Variants in PTPRE observed in about 807,000 individuals in gnomAD.
PTPRE encodes receptor-type tyrosine-protein phosphatase epsilon.
PTPRE carries 51 observed loss-of-function variants against 102.0 expected under a neutral mutation model. That is an observed-to-expected ratio of 0.50 (90% CI 0.40 to 0.63). The LOEUF is 0.63. PTPRE is among the 30% of genes least tolerant of loss of function. PTPRE has a pLI of 0.00. For synonymous variants in PTPRE, 345 were observed against 348.2 expected, an observed-to-expected ratio of 0.99 and a Z score of 0.10; for missense variants, 752 against 915.1, an observed-to-expected ratio of 0.82 and a Z score of 2.30.
chr10:127,947,245 G>A (rs764848436), intron 1 of PTPRE, among the ~76,000 whole-genome samples: 1 of 152,038 alleles, frequency 6.6e-6, no homozygotes, highest in African/African-American at 2.4e-5. Flanking sequence ...TTTTAGTTTT[G>A]GAAAATTAAA....
At chr10:127,941,710 T>C (rs1848256981) in intron 1 of PTPRE, among the ~76,000 whole-genome samples, 1 of 152,236 alleles carries the variant, frequency 6.6e-6, no homozygotes, top group Non-Finnish European at 1.5e-5. Context: ...TGGTTTTTTA[T>C]TTACTTCCAG....
chr10:128,056,337 T>C, intron 7 of PTPRE, 124 bp downstream of exon 7: 1 of 758,864 alleles, frequency 1.3e-6, no homozygotes, highest in Non-Finnish European at 2.2e-6. Flanking sequence ...GTCTAACTGC[T>C]CAGCATTTGC....
At chr10:128,021,299 G>A (rs1414090744) in intron 2 of PTPRE, among the ~76,000 whole-genome samples, 1 of 152,206 alleles carries the variant, frequency 6.6e-6, no homozygotes, top group Non-Finnish European at 1.5e-5. Context: ...TCATTCTCCA[G>A]GTGCCACACA....
intron 6 of PTPRE, among the ~76,000 whole-genome samples, chr10:128,055,022 C>A (rs1228784679): frequency 1.3e-5 from 2 of 152,130 alleles, no homozygotes; most frequent in Admixed American, 6.5e-5. Flanking sequence ...GTTTCCTCAC[C>A]CATAAAACGG....
At chr10:127,916,778 G>A (rs1846237596) in intron 1 of PTPRE, among the ~76,000 whole-genome samples, 1 of 152,148 alleles carries the variant, frequency 6.6e-6, no homozygotes, top group Non-Finnish European at 1.5e-5. Flanking sequence ...TCTGTGTGAC[G>A]GACCAGCAGT....
chr10:127,997,404 C>T (rs944162250), intron 2 of PTPRE, among the ~76,000 whole-genome samples: 2 of 152,196 alleles, frequency 1.3e-5, no homozygotes, highest in South Asian at 2.1e-4. Context: ...TCAACATCCT[C>T]CCCCAACCTG....
chr10:128,068,401 G>A, intron 12 of PTPRE, 115 bp downstream of exon 12: 3 of 1,234,282 alleles, frequency 2.4e-6, no homozygotes, highest in Non-Finnish European at 3.3e-6. Flanking sequence ...TTTGGGCAGG[G>A]CTGATGTGAA....
chr10:127,920,751 C>T (rs1345865432), intron 1 of PTPRE, among the ~76,000 whole-genome samples: 1 of 152,188 alleles, frequency 6.6e-6, no homozygotes, highest in African/African-American at 2.4e-5. Context: ...CAAGTTCAGT[C>T]AAGTTCATAG....
chr10:127,972,330 G>T (rs1377684310), intron 1 of PTPRE, among the ~76,000 whole-genome samples: 1 of 152,214 alleles, frequency 6.6e-6, no homozygotes, highest in Non-Finnish European at 1.5e-5. Flanking sequence ...TTTGGAGTCA[G>T]ATCTGGCTGG....
At chr10:128,009,452 T>C (rs1373778684) in intron 2 of PTPRE, among the ~76,000 whole-genome samples, 1 of 152,222 alleles carries the variant, frequency 6.6e-6, no homozygotes, top group Non-Finnish European at 1.5e-5. Context: ...TCTGTGAGAC[T>C]TGGTCTCTGC....
At chr10:128,064,204 G>A (rs560119138) in intron 10 of PTPRE, among the ~76,000 whole-genome samples, 14 of 152,342 alleles carry the variant, frequency 9.2e-5, no homozygotes, top group Non-Finnish European at 1.5e-4. Context: ...AGGGCAGGCT[G>A]GGAGGTGCTC....
Position 128,079,558 on chromosome 10 carries a change from A to C in PTPRE, c.1893-2A>C, listed in dbSNP as rs374564447. 3.1e-6 allele frequency: 5 copies of C among 1,612,942 alleles called. No individual in the cohort carries two copies. The highest frequency in any genetic ancestry group is 2.2e-5 in the East Asian group (1 of 44,882). On this transcript the variant is annotated splice_acceptor_variant, in intron 19 of 20. Transcript: ENST00000254667. LOFTEE classifies it high-confidence loss of function. ...TCTGCATTAAGCGCTTTTTCTCTGC[A>C]GTGCCGGAGCTGGGCGAACAGGTAC...
chr10:127,941,577 A>C (rs977541000), intron 1 of PTPRE, among the ~76,000 whole-genome samples: 4 of 152,278 alleles, frequency 2.6e-5, no homozygotes, highest in Non-Finnish European at 5.9e-5. Context: ...CAATTTAAAA[A>C]TATAAACAAT....
chr10:127,979,125 G>A (rs1426538678), intron 1 of PTPRE, among the ~76,000 whole-genome samples: 1 of 152,228 alleles, frequency 6.6e-6, no homozygotes, highest in Non-Finnish European at 1.5e-5. Context: ...GCAGTGCCCA[G>A]GGCACTCCAC....
chr10:127,961,863 T>A (rs897824103), intron 1 of PTPRE, among the ~76,000 whole-genome samples: 35 of 152,114 alleles, frequency 2.3e-4, no homozygotes, highest in African/African-American at 2.4e-5. Context: ...CGGGTACCCC[T>A]GGGGTACTCC....
At chr10:128,047,341 A>G in intron 3 of PTPRE, 49 bp from the exon 4 acceptor site, 1 of 1,590,556 alleles carries the variant, frequency 6.3e-7, no homozygotes, top group Non-Finnish European at 8.6e-7. Flanking sequence ...ACTCTTTTGC[A>G]AACTGTGAAG....
At chr10:128,042,136 CAA>C (rs1847747046) in intron 3 of PTPRE, among the ~76,000 whole-genome samples, 1 of 152,128 alleles carries the variant, frequency 6.6e-6, no homozygotes, top group African/African-American at 2.4e-5. Flanking sequence ...ACTGGTGGTT[CAA>C]AGAGTTATTT....
At chr10:127,974,301 A>G (rs1230050414) in intron 1 of PTPRE, among the ~76,000 whole-genome samples, 1 of 152,220 alleles carries the variant, frequency 6.6e-6, no homozygotes, top group East Asian at 1.9e-4. Context: ...TCGCAGATGA[A>G]GAAACTTAGG....
At position 128,068,124 on chromosome 10, in the gene PTPRE, A is replaced by G. The variant is rs1271782385; in HGVS notation, c.845A>G (p.Gln282Arg). ...YTIRKFCIQP[Q>R]LPDGCKAPRL... ...CTTGTCTCCCCGCGTCCCCCGCAGC[A>G]GCTCCCCGACGGCTGCAAAGCCCCC... The change falls in exon 12 of 21, where the codon CAG becomes CGG. Residue 282 changes from glutamine to arginine, a missense_variant and splice_region_variant. Gln to Arg is a conservative substitution (Grantham distance 43). Around this residue, in one of 2 missense-constraint regions of PTPRE, gnomAD observed 636 missense variants for 824.4 expected, o/e 0.77. Transcript: ENST00000254667. 6 of 1,611,628 alleles carry G rather than the reference A, an allele frequency of 3.7e-6. No homozygotes were observed. Among genetic ancestry groups the G allele is most frequent in the Non-Finnish European group, 5.1e-6 (6 of 1,178,584 alleles).
Sources: gnomAD v4.1 joint callset for allele counts (sites outside exome capture counted in the v4.1 genomes callset) on GRCh38, gnomAD v4.1.1 for gene constraint, gnomAD v4.1.1 regional missense constraint, MANE v1.5 for transcripts, NCBI Gene and HGNC (gene_info 2026-07-23, HGNC 2026-07-21) for gene names.